The following SPOCK1 variants were observed in gnomAD, a reference collection of about 807,000 sequenced individuals.
SPOCK1 encodes the protein SPARC (osteonectin), cwcv and kazal like domains proteoglycan 1.
A neutral mutation model predicts 55.3 loss-of-function variants in SPOCK1; 23 were observed. That is an observed-to-expected ratio of 0.42 (90% CI 0.30 to 0.59). The LOEUF (loss-of-function observed/expected upper bound fraction) is 0.59. SPOCK1 is among the 20% of genes least tolerant of loss of function. The pLI is 0.22. For synonymous variants in SPOCK1, 226 were observed against 221.0 expected (o/e 1.02, Z -0.20); for missense variants, 499 against 552.5 (o/e 0.90, Z 0.97).
chr5:137,439,765 T>C (rs917546647), intron 2 of SPOCK1, among the ~76,000 whole-genome samples: 5 of 152,112 alleles, frequency 3.3e-5, no homozygotes, highest in African/African-American at 1.2e-4. Context: ...CCAGTAAAAA[T>C]GGCAGCTGGC....
chr5:137,352,367 G>T (rs989253257), intron 2 of SPOCK1, among the ~76,000 whole-genome samples: 19 of 152,178 alleles, frequency 1.2e-4, no homozygotes, highest in African/African-American at 4.6e-4. Flanking sequence ...ACTATTGTGG[G>T]GGCAGAAAAA....
chr5:137,087,052 C>T (rs1752972922), intron 5 of SPOCK1, among the ~76,000 whole-genome samples: 1 of 152,184 alleles, frequency 6.6e-6, no homozygotes, highest in South Asian at 2.1e-4. Context: ...GCTGTCATTT[C>T]CCCAGCAACT....
Position 137,329,205 on chromosome 5 carries a change from GTCTTTT to G in SPOCK1, c.187-62156_187-62151del, listed in dbSNP as rs573460046. Among the ~76,000 whole-genome samples the G allele has an allele frequency of 4.2e-3, 641 of 152,264 alleles. 6 individuals carry two copies. The highest frequency in any genetic ancestry group is 0.014 in the African/African-American group (568 of 41,552). On this transcript the variant is annotated intron_variant, in intron 2 of 10. Transcript: ENST00000394945. ...TGCGTAACTGTGAGCTGGGGCATTG[GTCTTTT>G]CCTGCCTTCAGACTGGAACTGAAAA...
chr5:137,281,925 A>C (rs1318711561), intron 2 of SPOCK1, among the ~76,000 whole-genome samples: 1 of 152,190 alleles, frequency 6.6e-6, no homozygotes, highest in East Asian at 1.9e-4. Flanking sequence ...CTAAAACATG[A>C]AATATATGAA....
intron 2 of SPOCK1, among the ~76,000 whole-genome samples, chr5:137,268,207 A>C (rs776960667): frequency 3.2e-4 from 49 of 152,188 alleles, no homozygotes; most frequent in Non-Finnish European, 5.3e-4. Context: ...CTAGGCCCTT[A>C]AATAGATTTT....
intron 3 of SPOCK1, among the ~76,000 whole-genome samples, chr5:137,189,270 T>C (rs764575439): frequency 3.6e-4 from 55 of 152,336 alleles, no homozygotes; most frequent in Non-Finnish European, 6.2e-4. Context: ...AGAAGCCATG[T>C]TGGACTTTCA....
At chr5:137,492,075 C>G (rs993411223) in intron 2 of SPOCK1, among the ~76,000 whole-genome samples, 2 of 152,206 alleles carry the variant, frequency 1.3e-5, no homozygotes, top group African/African-American at 4.8e-5. Context: ...ATCTGCCCAT[C>G]AGGCATCCAT....
At chr5:137,368,146 C>T (rs1245399569) in intron 2 of SPOCK1, among the ~76,000 whole-genome samples, 1 of 152,202 alleles carries the variant, frequency 6.6e-6, no homozygotes, top group African/African-American at 2.4e-5. Context: ...ACCTAACAGT[C>T]ACAAAGATTG....
intron 2 of SPOCK1, among the ~76,000 whole-genome samples, chr5:137,358,529 G>A (rs1299596317): frequency 6.7e-6 from 1 of 150,308 alleles, no homozygotes; most frequent in East Asian, 2.0e-4. Flanking sequence ...GTGGAGGAGT[G>A]GGGGAAGGAA....
chr5:137,258,368 C>T (rs911209978), intron 3 of SPOCK1, among the ~76,000 whole-genome samples: 1 of 152,208 alleles, frequency 6.6e-6, no homozygotes, highest in Admixed American at 6.5e-5. Context: ...AATTGCTACA[C>T]AGTACAATTG....
At chr5:137,490,435 A>G (rs959421386) in intron 2 of SPOCK1, among the ~76,000 whole-genome samples, 1 of 152,188 alleles carries the variant, frequency 6.6e-6, no homozygotes, top group African/African-American at 2.4e-5. Flanking sequence ...ATCAAGACCA[A>G]ATTATGGGCA....
intron 2 of SPOCK1, among the ~76,000 whole-genome samples, chr5:137,396,518 C>T (rs1487068036): frequency 6.6e-6 from 1 of 152,138 alleles, no homozygotes; most frequent in Non-Finnish European, 1.5e-5. Context: ...ACTGTGGTAC[C>T]CACAAATCTA....
chr5:137,099,578 G>A (rs927384652), intron 5 of SPOCK1, among the ~76,000 whole-genome samples: 7 of 150,286 alleles, frequency 4.7e-5, no homozygotes, highest in Middle Eastern at 3.4e-3. Flanking sequence ...ATATGTGTGT[G>A]TATATATATA....
At chr5:137,496,070 G>C (rs1299135767) in intron 2 of SPOCK1, among the ~76,000 whole-genome samples, 1 of 152,064 alleles carries the variant, frequency 6.6e-6, no homozygotes, top group Non-Finnish European at 1.5e-5. Flanking sequence ...GGACATAAAA[G>C]CTTTTCTTTT....
chr5:137,472,631 G>A (rs1360700040), intron 2 of SPOCK1, among the ~76,000 whole-genome samples: 2 of 152,194 alleles, frequency 1.3e-5, no homozygotes, highest in Non-Finnish European at 2.9e-5. Flanking sequence ...AAATACAGCT[G>A]CACACGAGTG....
chr5:137,256,779 C>G (rs189741893), intron 3 of SPOCK1, among the ~76,000 whole-genome samples: 6 of 152,196 alleles, frequency 3.9e-5, no homozygotes, highest in African/African-American at 1.4e-4. Context: ...GCAGCTGCAC[C>G]AAGTCAGAGG....
intron 9 of SPOCK1, among the ~76,000 whole-genome samples, chr5:136,983,709 A>T (rs1750781952): frequency 6.6e-6 from 1 of 152,138 alleles, no homozygotes; most frequent in Admixed American, 6.6e-5. Flanking sequence ...AGCTGATAAT[A>T]ATTTGTTGAT....
chr5:137,078,282 C>A (rs1202590559), intron 5 of SPOCK1, among the ~76,000 whole-genome samples: 3 of 152,170 alleles, frequency 2.0e-5, no homozygotes, highest in Non-Finnish European at 2.9e-5. Context: ...ATTAAAATGT[C>A]TCTGCAGCTA....
At chr5:136,984,063 A>G (rs892943442) in intron 9 of SPOCK1, among the ~76,000 whole-genome samples, 1 of 152,244 alleles carries the variant, frequency 6.6e-6, no homozygotes, top group Non-Finnish European at 1.5e-5. Context: ...AAGTCTTTGC[A>G]CTAGAAAATC....
Sources: gnomAD v4.1 joint callset for allele counts (sites outside exome capture counted in the v4.1 genomes callset) on GRCh38, gnomAD v4.1.1 for gene constraint, MANE v1.5 for transcripts, NCBI Gene and HGNC (gene_info 2026-07-23, HGNC 2026-07-21) for gene names.